Variants in CYRIB observed in about 807,000 individuals in gnomAD.
CYRIB encodes CYFIP related Rac1 interactor B, also known as CYFIP-related Rac1 interactor B.
In CYRIB, 8 loss-of-function variants were observed where a neutral mutation model predicts 44.2. That is an observed-to-expected ratio of 0.18 (90% CI 0.11 to 0.33). CYRIB has a LOEUF of 0.33. Among genes scored for constraint, CYRIB ranks in the 10% least tolerant of loss-of-function variants. CYRIB has a pLI of 1.00. For synonymous variants in CYRIB, 131 were observed against 127.2 expected (o/e 1.03, Z -0.20); for missense variants, 185 against 382.8 (o/e 0.48, Z 4.31).
intron 1 of CYRIB, among the ~76,000 whole-genome samples, chr8:129,994,059 T>C (rs2096710448): frequency 6.6e-6 from 1 of 152,146 alleles, no homozygotes; most frequent in South Asian, 2.1e-4. Flanking sequence ...TCTTGACCCC[T>C]AATGTCAAAG....
rs192328537 is a variant in CYRIB at position 130,015,737 on chromosome 8, G to C, written c.-296+633C>G. On this transcript the variant is annotated intron_variant, in intron 1 of 14. Transcript: ENST00000401979. ...CCCAGGAAAGCCCTGCAGGCTGCAA[G>C]GGCACCCACCCGCTAACACTGAACT... Among the ~76,000 whole-genome samples the C allele has an allele frequency of 9.2e-4, 140 of 152,300 alleles. 1 individual carries two copies. The highest frequency in any genetic ancestry group is 3.1e-3 in the African/African-American group (129 of 41,568).
intron 4 of CYRIB, 130 bp downstream of exon 6, chr8:129,871,245 G>T: frequency 9.3e-7 from 1 of 1,072,168 alleles, no homozygotes; most frequent in Non-Finnish European, 1.3e-6. Flanking sequence ...CTGAAACAAT[G>T]CCAAGTGAGC....
intron 2 of CYRIB, among the ~76,000 whole-genome samples, chr8:129,884,374 C>T (rs566769587): frequency 1.1e-4 from 17 of 152,134 alleles, no homozygotes; most frequent in Middle Eastern, 3.4e-3. Context: ...CTGCAACCTT[C>T]GCCTCCCAGG....
At chr8:129,842,836 C>T (rs1256561892) in intron 11 of CYRIB, among the ~76,000 whole-genome samples, 1 of 152,186 alleles carries the variant, frequency 6.6e-6, no homozygotes, top group Non-Finnish European at 1.5e-5. Flanking sequence ...TACTCTCTGG[C>T]TCTTTACAGA....
chr8:129,934,884 G>A (rs953191452), intron 1 of CYRIB, among the ~76,000 whole-genome samples: 7 of 152,162 alleles, frequency 4.6e-5, no homozygotes, highest in Non-Finnish European at 5.9e-5. Context: ...TTAGACCTTA[G>A]TTATAGATTA....
intron 2 of CYRIB, among the ~76,000 whole-genome samples, chr8:129,889,056 C>T (rs760494224): frequency 1.3e-5 from 2 of 152,156 alleles, no homozygotes; most frequent in Middle Eastern, 3.4e-3. Context: ...CGCACCACTG[C>T]ACTCCATGGG....
intron 1 of CYRIB, among the ~76,000 whole-genome samples, chr8:129,920,874 T>A (rs1174136345): frequency 5.3e-5 from 8 of 152,214 alleles, no homozygotes; most frequent in Admixed American, 2.6e-4. Flanking sequence ...ATTCATTTTA[T>A]CTACAGAGAT....
intron 2 of CYRIB, among the ~76,000 whole-genome samples, chr8:129,963,150 A>C (rs1349406065): frequency 6.6e-6 from 1 of 152,212 alleles, no homozygotes; most frequent in Non-Finnish European, 1.5e-5. Context: ...ATTTTGGACC[A>C]CAATCCACAA....
intron 6 of CYRIB, among the ~76,000 whole-genome samples, chr8:129,854,674 T>C (rs781696443): frequency 1.1e-4 from 16 of 152,364 alleles, no homozygotes; most frequent in East Asian, 3.9e-4. Context: ...TATGTAGGTA[T>C]GGTCAACAGA....
At chr8:129,908,485 T>C (rs944952330) in intron 1 of CYRIB, among the ~76,000 whole-genome samples, 3 of 152,170 alleles carry the variant, frequency 2.0e-5, no homozygotes, top group African/African-American at 7.2e-5. Context: ...AAAATGCAGA[T>C]TTTCACTTAT....
intron 1 of CYRIB, among the ~76,000 whole-genome samples, chr8:129,989,640 C>CT (rs545615460): frequency 0.084 from 11,501 of 136,728 alleles, 508 homozygotes; most frequent in South Asian, 0.23. Context: ...GATGCCCTTT[C>CT]TTTTTTTTTT....
intron 1 of CYRIB, among the ~76,000 whole-genome samples, chr8:129,984,601 AC>A (rs2096379874): frequency 6.6e-6 from 1 of 151,946 alleles, no homozygotes; most frequent in Non-Finnish European, 1.5e-5. Context: ...CCCTCCCCCA[AC>A]ACCTTTTTTC....
At chr8:130,011,734 G>A (rs1403725923) in intron 1 of CYRIB, among the ~76,000 whole-genome samples, 1 of 152,114 alleles carries the variant, frequency 6.6e-6, no homozygotes, top group East Asian at 1.9e-4. Context: ...TCGGGAGGCT[G>A]AGGCAGAAGA....
At chr8:129,946,464 G>C (rs866892700) in intron 2 of CYRIB, among the ~76,000 whole-genome samples, 6 of 152,138 alleles carry the variant, frequency 3.9e-5, no homozygotes, top group South Asian at 2.1e-4. Flanking sequence ...TGTTGCCTTA[G>C]GGATGAGGAC....
At chr8:129,942,241 A>G (rs146719487), upstream of CYRIB, among the ~76,000 whole-genome samples, 323 of 152,322 alleles carry the variant, frequency 2.1e-3, 1 homozygote, top group African/African-American at 7.4e-3. Context: ...CAGGAGGCTG[A>G]GGCAGGAGAA....
chr8:129,899,359 T>C (rs971244069), intron 2 of CYRIB, among the ~76,000 whole-genome samples: 18 of 152,204 alleles, frequency 1.2e-4, no homozygotes, highest in African/African-American at 4.1e-4. Flanking sequence ...CTGATTTATA[T>C]AAAATAGGAA....
chr8:129,862,264 T>G, exon 5 of CYRIB: 1 of 1,613,918 alleles, frequency 6.2e-7, no homozygotes, highest in Non-Finnish European at 8.5e-7. Context: ...TTTCTTTAAT[T>G]TGCCTACTAG....
intron 1 of CYRIB, among the ~76,000 whole-genome samples, chr8:130,011,001 C>G (rs1326248100): frequency 6.6e-6 from 1 of 152,182 alleles, no homozygotes; most frequent in Non-Finnish European, 1.5e-5. Flanking sequence ...CCAACTCCTC[C>G]CTCCCTTGCT....
At chr8:129,896,138 C>G (rs995598463) in intron 2 of CYRIB, among the ~76,000 whole-genome samples, 1 of 152,194 alleles carries the variant, frequency 6.6e-6, no homozygotes, top group Non-Finnish European at 1.5e-5. Context: ...TCCAGCCTAA[C>G]AGACATTCTG....
Sources: gnomAD v4.1 joint callset for allele counts (sites outside exome capture counted in the v4.1 genomes callset) on GRCh38, gnomAD v4.1.1 for gene constraint, MANE v1.5 for transcripts, NCBI Gene and HGNC (gene_info 2026-07-23, HGNC 2026-07-21) for gene names.